The following LUC7L3 variants were observed in gnomAD, a reference collection of about 807,000 sequenced individuals.
The protein encoded by LUC7L3 is LUC7 like 3 pre-mRNA splicing factor, also known as luc7-like protein 3.
LUC7L3 carries 6 observed loss-of-function variants against 66.8 expected under a neutral mutation model. The observed-to-expected ratio is 0.09, with a 90% confidence interval of 0.05 to 0.18. LUC7L3 has a LOEUF of 0.18. Among genes scored for constraint, LUC7L3 ranks in the 10% least tolerant of loss-of-function variants. The pLI, the probability that LUC7L3 is intolerant of heterozygous loss-of-function variation, is 1.00. For synonymous variants in LUC7L3, 160 were observed against 174.7 expected, an observed-to-expected ratio of 0.92 and a Z score of 0.66; for missense variants, 341 against 531.1, an observed-to-expected ratio of 0.64 and a Z score of 3.52.
At chr17:50,729,236 A>G (rs1412669978) in intron 1 of LUC7L3, among the ~76,000 whole-genome samples, 1 of 152,202 alleles carries the variant, frequency 6.6e-6, no homozygotes, top group Non-Finnish European at 1.5e-5. Flanking sequence ...AGTGATGGCA[A>G]TTTTAGTGGT....
rs1257561880 is a variant in LUC7L3 at position 50,755,281 on chromosome 17, C to A, written c.*4620C>A. On this transcript the variant is annotated 3_prime_UTR_variant, in exon 10 of 10. Coordinates refer to ENST00000505658, the MANE Select transcript of LUC7L3 (RefSeq NM_016424.5). Reference sequence around the variant, plus strand: ...CTTGCTGCTGTTAACAGTTATTCTTCCAAGTTGTTTTCTTTGTGGGGAGAT... The same window carrying A: ...CTTGCTGCTGTTAACAGTTATTCTTACAAGTTGTTTTCTTTGTGGGGAGAT... The A allele has an allele frequency of 6.6e-6, 1 of 151,986 alleles. No homozygotes were observed. Among genetic ancestry groups the A allele is most frequent in the African/African-American group, 2.4e-5 (1 of 41,380 alleles). 9.4% of individuals were successfully genotyped at this position (151,986 alleles called of 1,614,324 possible). A position where few individuals can be genotyped will look rare whatever the true frequency, so the allele number is the denominator to read the frequency against.
intron 1 of LUC7L3, chr17:50,723,261 C>T (rs1968910615): frequency 6.6e-6 from 1 of 152,206 alleles, no homozygotes; most frequent in African/African-American, 2.4e-5. Context: ...AATGAGTTTT[C>T]TTCCATTTAT....
At chr17:50,738,305 C>G in intron 2 of LUC7L3, 1 of 221,082 alleles carries the variant, frequency 4.5e-6, no homozygotes, top group South Asian at 5.1e-5. Flanking sequence ...CTACTAACTT[C>G]CAGTCAGATT....
chr17:50,731,589 TAAAAG>T (rs1430227669), intron 1 of LUC7L3, among the ~76,000 whole-genome samples: 1 of 152,200 alleles, frequency 6.6e-6, no homozygotes, highest in Non-Finnish European at 1.5e-5. Flanking sequence ...TGGGGAGAGT[TAAAAG>T]AAGCAGTCCA....
intron 5 of LUC7L3, among the ~76,000 whole-genome samples, chr17:50,742,557 C>G (rs1253144911): frequency 6.6e-6 from 1 of 152,150 alleles, no homozygotes; most frequent in East Asian, 1.9e-4. Context: ...TGGGGTTTCA[C>G]CGTGCTGGCC....
Position 50,719,762 on chromosome 17 carries a change from G to A in LUC7L3, c.30G>A (p.Glu10=). 6.2e-7 allele frequency: 1 copy of A among 1,612,622 alleles called. No homozygotes were observed. Among genetic ancestry groups the A allele is most frequent in the Non-Finnish European group, 8.5e-7 (1 of 1,179,390 alleles). MISAAQLLD[E]LMGRDRNLAP... is the part of the protein sequence containing the mutation. The stretch of plus-strand genomic sequence containing the variant: ...TTTCGGCCGCGCAGTTGTTGGATGA[G>A]TTAATGGGCCGGGACCGAAACCTAG... Residue 10 remains glutamate, a synonymous_variant, in exon 1 of 10, where the codon GAG becomes GAA. Transcript: ENST00000505658.
intron 1 of LUC7L3, chr17:50,723,297 A>G (rs184091890): frequency 6.6e-6 from 1 of 152,316 alleles, no homozygotes; most frequent in African/African-American, 2.4e-5. Context: ...CCTTCCTTCC[A>G]TGAAGGTTTA....
chr17:50,732,251 T>A (rs771966228), intron 1 of LUC7L3, among the ~76,000 whole-genome samples: 11 of 152,180 alleles, frequency 7.2e-5, no homozygotes, highest in Non-Finnish European at 1.3e-4. Flanking sequence ...GGAATTGGAG[T>A]TAATCGGAAG....
intron 1 of LUC7L3, among the ~76,000 whole-genome samples, chr17:50,730,513 C>CAAAAAAAAAAAAA (rs3063109): frequency 8.5e-5 from 5 of 59,088 alleles, no homozygotes; most frequent in African/African-American, 3.8e-4. Context: ...ACTCTGTCTC[C>CAAAAAAAAAAAAA]AAAAAAAAAA....
At chr17:50,736,938 T>C (rs1194067291) in intron 1 of LUC7L3, 22 bp from the exon 2 acceptor site, 1 of 1,549,728 alleles carries the variant, frequency 6.5e-7, no homozygotes, top group Admixed American at 1.7e-5. Context: ...ATTTTTTAAG[T>C]ACCTTTGTTT....
chr17:50,749,362 G>A, intron 9 of LUC7L3: 5 of 1,283,590 alleles, frequency 3.9e-6, no homozygotes, highest in Non-Finnish European at 5.1e-6. Context: ...AGAGCCCACT[G>A]TCCTGGCACA....
At position 50,747,449 on chromosome 17, in the gene LUC7L3, T is replaced by A. The variant is rs563373099; in HGVS notation, c.1138+747T>A. Among the ~76,000 whole-genome samples, 5 of 152,010 alleles carry A rather than the reference T, an allele frequency of 3.3e-5. No individual in the cohort carries two copies. In the East Asian group the frequency reaches 7.7e-4, roughly 23 times the overall value. ...TTATATAAAAGATATAAAATATCTT[T>A]TATTTTGTATTGAATGAGCTGTTGT... On this transcript the variant is annotated intron_variant, in intron 9 of 9. Coordinates refer to ENST00000505658, the MANE Select transcript of LUC7L3 (RefSeq NM_016424.5).
In LUC7L3 at chr17:50,751,313, G is replaced by A. The variant is rs569552945; in HGVS notation, c.*652G>A. 24 of 1,309,146 alleles carry A rather than the reference G, an allele frequency of 1.8e-5. No homozygotes were observed. Among genetic ancestry groups the A allele is most frequent in the African/African-American group, 4.5e-5 (3 of 66,784 alleles). The allele number at this position is 1,309,146 out of a possible 1,614,324, so 81.1% of individuals were successfully genotyped here. On this transcript the variant is annotated 3_prime_UTR_variant, in exon 10 of 10. Coordinates refer to ENST00000505658, the MANE Select transcript of LUC7L3 (RefSeq NM_016424.5). Reference sequence around the variant, plus strand: ...CTCACACAGCGTTGGTGTTGTGAGCGGCCCATGAAAAGCCAAATTAAAAAT... The same window carrying A: ...CTCACACAGCGTTGGTGTTGTGAGCAGCCCATGAAAAGCCAAATTAAAAAT...
At chr17:50,740,175 G>C in intron 2 of LUC7L3, 131 bp from the exon 3 acceptor site, 1 of 672,010 alleles carries the variant, frequency 1.5e-6, no homozygotes, top group Non-Finnish European at 2.6e-6. Context: ...GATCAGTTTA[G>C]ATGTCTACAA....
Position 50,719,664 on chromosome 17 carries a change from G to C in LUC7L3, c.-69G>C, listed in dbSNP as rs1033844484. 8 of 1,332,156 alleles carry C rather than the reference G, an allele frequency of 6.0e-6. No individual in the cohort carries two copies. In the African/African-American group the frequency reaches 7.3e-5, roughly 12 times the overall value. 82.5% of individuals were successfully genotyped at this position (1,332,156 alleles called of 1,614,324 possible). A position where few individuals can be genotyped will look rare whatever the true frequency, so the allele number is the denominator to read the frequency against. On this transcript the variant is annotated 5_prime_UTR_variant, in exon 1 of 10. Transcript: ENST00000505658. The stretch of plus-strand genomic sequence containing the variant: ...CTGAGAGCGGGCCGAGGAGATTGGC[G>C]ACGGTGTCGCCCGTGTTTTCGTTGG...
In LUC7L3 at chr17:50,756,084, C is replaced by T. The variant is rs1335764658; in HGVS notation, c.*5423C>T. 6.6e-6 allele frequency: 1 copy of T among 152,090 alleles called. No homozygotes were observed. The highest frequency in any genetic ancestry group is 1.5e-5 in the Non-Finnish European group (1 of 68,040). 9.4% of individuals were successfully genotyped at this position (152,090 alleles called of 1,614,324 possible). The stretch of plus-strand genomic sequence containing the variant: ...ATGGAGGGAGAGGTGATCATGAGGG[C>T]ACAGGGGTCTTCAGAAGAACTGGTG... On this transcript the variant is annotated 3_prime_UTR_variant, in exon 10 of 10. Coordinates refer to ENST00000505658, the MANE Select transcript of LUC7L3 (RefSeq NM_016424.5).
intron 1 of LUC7L3, chr17:50,723,947 C>G: frequency 2.2e-6 from 1 of 455,366 alleles, no homozygotes; most frequent in Non-Finnish European, 4.4e-6. Context: ...CATTTCCTAC[C>G]TTACTCCATA....
At chr17:50,738,054 A>G in intron 2 of LUC7L3, 1 of 415,896 alleles carries the variant, frequency 2.4e-6, no homozygotes, top group Non-Finnish European at 4.7e-6. Context: ...AATGTAAAAC[A>G]GAGTAAATGA....
At position 50,743,823 on chromosome 17, in the gene LUC7L3, T is replaced by C. The variant is rs1208219343; in HGVS notation, c.531+13T>C. 1 of 1,542,750 alleles carries C rather than the reference T, an allele frequency of 6.5e-7. No individual in the cohort carries two copies. Reference sequence around the variant, plus strand: ...GTCCACAACGTCGGTGAGTAAACCTTATTTCACATTATCTCATCTGTCTGT... The same window carrying C: ...GTCCACAACGTCGGTGAGTAAACCTCATTTCACATTATCTCATCTGTCTGT... On this transcript the variant is annotated intron_variant, in intron 6 of 9. Transcript: ENST00000505658.
Sources: allele counts gnomAD v4.1 joint callset (sites outside exome capture counted in the v4.1 genomes callset), GRCh38; gene constraint gnomAD v4.1.1; transcripts MANE v1.5; gene names NCBI Gene and HGNC (gene_info 2026-07-23, HGNC 2026-07-21).